Variants in NUP155 observed in about 807,000 individuals in gnomAD.
NUP155 encodes nucleoporin 155, also known as nuclear pore complex protein Nup155.
A neutral mutation model predicts 180.4 loss-of-function variants in NUP155; 71 were observed. That is an observed-to-expected ratio of 0.39 (90% CI 0.33 to 0.48). The LOEUF is 0.48. NUP155 is among the 20% of genes least tolerant of loss of function. NUP155 has a pLI of 0.91. For missense variants in NUP155, 1,553 were observed against 1,648.9 expected (o/e 0.94, Z 1.01); for synonymous variants, 582 against 559.5 (o/e 1.04, Z -0.57).
At chr5:37,304,703 GAAT>G in intron 27 of NUP155, 33 bp downstream of exon 27, 3 of 1,383,982 alleles carry the variant, frequency 2.2e-6, no homozygotes, top group Non-Finnish European at 2.1e-6. Flanking sequence ...TGCTCCTTAA[GAAT>G]AATTAACACA....
chr5:37,317,688 C>CTTTT (rs374997987), intron 21 of NUP155, among the ~76,000 whole-genome samples: 2 of 131,306 alleles, frequency 1.5e-5, no homozygotes, highest in Admixed American at 8.0e-5. Flanking sequence ...CCCAATCACA[C>CTTTT]TTTTTTTTTT....
chr5:37,338,829 CA>C (rs1172534485), intron 11 of NUP155, among the ~76,000 whole-genome samples: 2 of 152,044 alleles, frequency 1.3e-5, no homozygotes, highest in African/African-American at 4.8e-5. Context: ...CTCAGATAAA[CA>C]TTTTTTTTTC....
intron 32 of NUP155, among the ~76,000 whole-genome samples, chr5:37,294,991 C>T (rs1253928295): frequency 6.6e-6 from 1 of 152,130 alleles, no homozygotes; most frequent in Non-Finnish European, 1.5e-5. Flanking sequence ...TTGAAGAGGA[C>T]TTCACTGATA....
Position 37,318,021 on chromosome 5 carries a change from G to T in NUP155, c.2272C>A (p.Gln758Lys). 6.2e-7 allele frequency: 1 copy of T among 1,611,598 alleles called. No individual in the cohort carries two copies. The highest frequency in any genetic ancestry group is 8.5e-7 in the Non-Finnish European group (1 of 1,177,722). Residue 758 changes from glutamine to lysine, a missense_variant, in exon 21 of 35, where the codon CAA becomes AAA. Transcript: ENST00000231498. The part of the protein sequence containing the change: ...FMRPENGNPQ[Q>K]MQQELQRKFH... ...TTCCTCTGCAGTTCCTGTTGCATTTGCTGGGGATTTCCGTTTTCAGGACGC... is the reference window on the plus strand; with the variant it reads ...TTCCTCTGCAGTTCCTGTTGCATTTTCTGGGGATTTCCGTTTTCAGGACGC...
At chr5:37,303,083 C>T (rs1427667280) in intron 28 of NUP155, among the ~76,000 whole-genome samples, 175 bp from the exon 29 acceptor site, 1 of 151,680 alleles carries the variant, frequency 6.6e-6, no homozygotes, top group East Asian at 1.9e-4. Flanking sequence ...TAAGAGAGAT[C>T]CACAATTTTA....
chr5:37,340,811 C>G (rs534788083), intron 11 of NUP155, among the ~76,000 whole-genome samples: 3 of 152,274 alleles, frequency 2.0e-5, no homozygotes, highest in Non-Finnish European at 4.4e-5. Context: ...ACTACAATTT[C>G]AAATTTTATT....
chr5:37,308,760 ATACCAGC>A (rs1338932707), intron 24 of NUP155, among the ~76,000 whole-genome samples: 1 of 150,452 alleles, frequency 6.6e-6, no homozygotes, highest in Non-Finnish European at 1.5e-5. Context: ...TGCGCCTGTA[ATACCAGC>A]TACCCGGGAG....
intron 17 of NUP155, 107 bp from the exon 18 acceptor site, chr5:37,327,883 A>G: frequency 7.8e-7 from 1 of 1,276,924 alleles, no homozygotes; most frequent in Non-Finnish European, 1.1e-6. Flanking sequence ...TAGAACCCAT[A>G]AAATTCAGAA....
intron 9 of NUP155, among the ~76,000 whole-genome samples, chr5:37,346,093 C>G (rs1463228433): frequency 1.3e-5 from 2 of 151,632 alleles, no homozygotes; most frequent in African/African-American, 4.9e-5. Flanking sequence ...AAAGGCTGAG[C>G]AAGATAGCAA....
intron 3 of NUP155, among the ~76,000 whole-genome samples, chr5:37,359,302 G>A (rs1199520391): frequency 2.6e-5 from 4 of 151,850 alleles, no homozygotes; most frequent in South Asian, 2.1e-4. Context: ...AGAAAAATAG[G>A]GAAATACAAA....
intron 24 of NUP155, 38 bp from the exon 25 acceptor site, chr5:37,307,470 T>G: frequency 6.2e-7 from 1 of 1,606,294 alleles, no homozygotes; most frequent in Non-Finnish European, 8.5e-7. Context: ...TATGACTTAC[T>G]ACTAAGTTGG....
intron 11 of NUP155, among the ~76,000 whole-genome samples, chr5:37,339,732 C>A (rs977988873): frequency 1.2e-4 from 19 of 152,196 alleles, no homozygotes; most frequent in African/African-American, 4.1e-4. Flanking sequence ...ATTCAGCTAT[C>A]ACAATCCAAC....
Position 37,331,676 on chromosome 5 carries a change from T to G in NUP155, c.1629+9A>C. ...TAGCATCACATTTTTTAAAAGTATA[T>G]ATAATTACCTGATGTAATTTAAAGA... On this transcript the variant is annotated intron_variant, in intron 14 of 34. Transcript: ENST00000231498. 6.7e-7 allele frequency: 1 copy of G among 1,487,312 alleles called. No homozygotes were observed. Among genetic ancestry groups the G allele is most frequent in the South Asian group, 1.1e-5 (1 of 88,236 alleles). 92.1% of individuals were successfully genotyped at this position (1,487,312 alleles called of 1,614,324 possible).
chr5:37,295,856 A>G (rs1456943472), intron 32 of NUP155, among the ~76,000 whole-genome samples: 2 of 130,362 alleles, frequency 1.5e-5, no homozygotes, highest in East Asian at 2.3e-4. Context: ...CCCGGCAGCC[A>G]CCCCGTCCGG....
rs78744500 is a variant in NUP155, at chr5:37,306,072, T to C, written c.2904-862A>G. Among the ~76,000 whole-genome samples the C allele has an allele frequency of 2.5e-3, 380 of 152,172 alleles. 5 individuals carry two copies. Among genetic ancestry groups the C allele is most frequent in the African/African-American group, 8.5e-3 (355 of 41,528 alleles). ...AGTGTTTGGTTAAACATTAAAAGGG[T>C]AAAGTCATTAAATATAGTAATAAAA... is the stretch of plus-strand genomic sequence containing the variant. On this transcript the variant is annotated intron_variant, in intron 25 of 34. Transcript: ENST00000231498.
chr5:37,299,426 A>G, intron 31 of NUP155, 22 bp downstream of exon 31: 1 of 1,613,894 alleles, frequency 6.2e-7, no homozygotes, highest in Admixed American at 1.7e-5. Flanking sequence ...GTATGCTAAC[A>G]TACCTATAAC....
In NUP155 at chr5:37,300,812, C is replaced by T. The variant is rs1742821203; in HGVS notation, c.3561+625G>A. Among the ~76,000 whole-genome samples, 3 of 151,146 alleles carry T rather than the reference C, an allele frequency of 2.0e-5. No homozygotes were observed. The South Asian group carries it at 6.4e-4, about 32-fold the overall frequency. On this transcript the variant is annotated intron_variant, in intron 30 of 34. Coordinates refer to ENST00000231498, the MANE Select transcript of NUP155 (RefSeq NM_153485.3). ...GATGAACTACAACCACACACCACCA[C>T]ACCTGGCTAATTTTTTTTTTTTTTT... is the stretch of plus-strand genomic sequence containing the variant.
At chr5:37,352,952 A>G in intron 4 of NUP155, 123 bp from the exon 5 acceptor site, 1 of 665,722 alleles carries the variant, frequency 1.5e-6, no homozygotes, top group Non-Finnish European at 2.7e-6. Flanking sequence ...GATGCAGTTT[A>G]GTCAATTCTG....
intron 1 of NUP155, 148 bp downstream of exon 1, chr5:37,370,670 AAAG>A (rs1747902387): frequency 6.3e-7 from 1 of 1,599,812 alleles, no homozygotes; most frequent in South Asian, 1.1e-5. Flanking sequence ...AAAAACCTGA[AAAG>A]AAGCTGCTTG....
Sources: gnomAD v4.1 joint callset for allele counts (sites outside exome capture counted in the v4.1 genomes callset) on GRCh38, gnomAD v4.1.1 for gene constraint, MANE v1.5 for transcripts, NCBI Gene and HGNC (gene_info 2026-07-23, HGNC 2026-07-21) for gene names.